The following SCTR variants were observed in gnomAD, a reference collection of about 807,000 sequenced individuals.
SCTR encodes secretin receptor.
In SCTR, 56 loss-of-function variants were observed where a neutral mutation model predicts 60.8. That is an observed-to-expected ratio of 0.92 (90% CI 0.74 to 1.15). SCTR has a LOEUF of 1.15. SCTR is among the 50% of genes most tolerant of loss of function. The probability of loss-of-function intolerance (pLI) is 0.00; values close to 1 mark genes in which losing one functional copy is unlikely to be tolerated. For missense variants in SCTR, 562 were observed against 550.4 expected (o/e 1.02, Z -0.21); for synonymous variants, 202 against 217.0 (o/e 0.93, Z 0.61).
chr2:119,466,413 C>T (rs76422243), intron 4 of SCTR, among the ~76,000 whole-genome samples: 19,911 of 152,070 alleles, frequency 0.13, 1,651 homozygotes, highest in East Asian at 0.3. Flanking sequence ...TTTAATACAG[C>T]TATTCTGCCC....
rs144631568 is a variant in SCTR, at chr2:119,470,684, C to T, written c.405+2769G>A. ...ATTCGTACTGATTAGTGTAAACCAA[C>T]AGTTCTCATTGTGTGGATGTTTTTT... On this transcript the variant is annotated intron_variant, in intron 4 of 12. Coordinates refer to ENST00000019103, the MANE Select transcript of SCTR (RefSeq NM_002980.3). Among the ~76,000 whole-genome samples the T allele has an allele frequency of 2.1e-4, 32 of 152,242 alleles. No individual in the cohort carries two copies. The East Asian group carries it at 5.0e-3, about 24-fold the overall frequency.
chr2:119,493,641 C>T (rs374139853), intron 2 of SCTR, among the ~76,000 whole-genome samples: 5 of 133,378 alleles, frequency 3.7e-5, no homozygotes, highest in Non-Finnish European at 4.7e-5. Context: ...CATTCTTCTT[C>T]TTTTTTTTTT....
intron 3 of SCTR, among the ~76,000 whole-genome samples, chr2:119,478,244 G>A (rs116747161): frequency 0.019 from 2,839 of 152,300 alleles, 35 homozygotes; most frequent in South Asian, 0.054. Context: ...AAATGAGCCC[G>A]TATGTACATA....
intron 4 of SCTR, 105 bp from the exon 5 acceptor site, chr2:119,465,991 A>G (rs1162674840): frequency 1.4e-6 from 1 of 730,292 alleles, no homozygotes; most frequent in Admixed American, 2.1e-5. Context: ...CGACGCTGCT[A>G]TTCTGTCCAT....
intron 7 of SCTR, among the ~76,000 whole-genome samples, chr2:119,455,883 G>A (rs1683355681): frequency 6.6e-6 from 1 of 151,856 alleles, no homozygotes; most frequent in South Asian, 2.1e-4. Flanking sequence ...CAGGAAAAAC[G>A]ATGAAAAAAG....
intron 11 of SCTR, among the ~76,000 whole-genome samples, chr2:119,446,509 C>T (rs1171872224): frequency 6.6e-6 from 1 of 152,146 alleles, no homozygotes. Context: ...TGTACTGGGG[C>T]TACTTTTCCT....
chr2:119,475,747 T>G (rs992762403), intron 3 of SCTR, among the ~76,000 whole-genome samples: 13 of 149,110 alleles, frequency 8.7e-5, no homozygotes, highest in Non-Finnish European at 1.8e-4. Flanking sequence ...TATATAGATA[T>G]ATATTTATGC....
intron 2 of SCTR, among the ~76,000 whole-genome samples, chr2:119,489,239 C>G (rs1678020056): frequency 6.6e-6 from 1 of 152,200 alleles, no homozygotes; most frequent in Non-Finnish European, 1.5e-5. Context: ...CTCGCCTCAG[C>G]TAATTTGTGA....
At chr2:119,504,396 C>T (rs1678661821) in intron 1 of SCTR, among the ~76,000 whole-genome samples, 1 of 151,970 alleles carries the variant, frequency 6.6e-6, no homozygotes, top group Non-Finnish European at 1.5e-5. Context: ...AGTTCGAGAT[C>T]AGCCTGACCA....
At chr2:119,442,318 G>A (rs1682685592) in intron 11 of SCTR, among the ~76,000 whole-genome samples, 1 of 152,214 alleles carries the variant, frequency 6.6e-6, no homozygotes, top group East Asian at 1.9e-4. Context: ...GAGCCTAAGA[G>A]GCCTCCAGAT....
chr2:119,454,656 C>T (rs561636083), intron 7 of SCTR, among the ~76,000 whole-genome samples: 21 of 152,066 alleles, frequency 1.4e-4, no homozygotes, highest in Non-Finnish European at 2.8e-4. Context: ...GAGTTCGAGA[C>T]CAGCCTGGCC....
intron 1 of SCTR, among the ~76,000 whole-genome samples, chr2:119,516,325 C>G (rs1558884218): frequency 6.6e-6 from 1 of 152,150 alleles, no homozygotes; most frequent in African/African-American, 2.4e-5. Flanking sequence ...TTACGTGTCT[C>G]TCAACAGATG....
chr2:119,481,948 T>G (rs1204527147), intron 2 of SCTR, among the ~76,000 whole-genome samples: 1 of 152,174 alleles, frequency 6.6e-6, no homozygotes, highest in African/African-American at 2.4e-5. Flanking sequence ...CGTCCCACAC[T>G]TGAGCTCCTG....
In SCTR at chr2:119,512,286, G is replaced by A. The variant is rs866154978; in HGVS notation, c.72+11869C>T. Among the ~76,000 whole-genome samples the A allele has an allele frequency of 7.3e-5, 11 of 149,992 alleles. No individual in the cohort carries two copies. In the South Asian group the frequency reaches 1.3e-3, roughly 17 times the overall value. On this transcript the variant is annotated intron_variant, in intron 1 of 12. Coordinates refer to ENST00000019103, the MANE Select transcript of SCTR (RefSeq NM_002980.3). ...TCTACTATTCTACCATTTTGTCTTC[G>A]TGATCTTCTTCCTCTTCCTCTTCCC...
intron 1 of SCTR, among the ~76,000 whole-genome samples, chr2:119,504,505 C>T (rs1310974087): frequency 1.3e-5 from 2 of 152,178 alleles, no homozygotes; most frequent in East Asian, 3.9e-4. Flanking sequence ...GCAGGAGAAT[C>T]ACTTGAATCC....
chr2:119,487,428 A>G (rs915943446), intron 2 of SCTR: 26 of 152,250 alleles, frequency 1.7e-4, no homozygotes, highest in African/African-American at 6.0e-4. Context: ...TCATGACCCC[A>G]CTTGAAGGCA....
chr2:119,522,163 G>A (rs1045127207), intron 1 of SCTR, among the ~76,000 whole-genome samples: 2 of 152,190 alleles, frequency 1.3e-5, no homozygotes, highest in Admixed American at 1.3e-4. Context: ...GAGCATGGTG[G>A]CACATGCCTG....
chr2:119,497,737 C>G (rs1163220586), intron 1 of SCTR, among the ~76,000 whole-genome samples: 1 of 151,780 alleles, frequency 6.6e-6, no homozygotes, highest in Non-Finnish European at 1.5e-5. Context: ...TGGATGGGCT[C>G]AAAAGCAGAA....
intron 2 of SCTR, among the ~76,000 whole-genome samples, chr2:119,481,971 G>A (rs777772675): frequency 2.6e-5 from 4 of 152,158 alleles, no homozygotes; most frequent in Admixed American, 6.5e-5. Flanking sequence ...ATCCCATGGC[G>A]GTGCCCCCAG....
Sources: gnomAD v4.1 joint callset for allele counts (sites outside exome capture counted in the v4.1 genomes callset) on GRCh38, gnomAD v4.1.1 for gene constraint, MANE v1.5 for transcripts, NCBI Gene and HGNC (gene_info 2026-07-23, HGNC 2026-07-21) for gene names.